EDIL3: variants seen among roughly 807,000 people sequenced by gnomAD.
EDIL3 encodes the protein EGF like and discoidin domains 3.
A neutral mutation model predicts 67.4 loss-of-function variants in EDIL3; 37 were observed. The observed-to-expected ratio is 0.55, with a 90% CI of 0.42 to 0.72. The LOEUF is 0.72. EDIL3 is among the 30% of genes least tolerant of loss of function. The pLI is 0.00. For synonymous variants in EDIL3, 195 were observed against 196.3 expected (o/e 0.99, Z 0.05); for missense variants, 527 against 586.3 (o/e 0.90, Z 1.04).
intron 8 of EDIL3, 54 bp from the exon 9 acceptor site, chr5:84,060,538 T>C (rs964228510): frequency 5.7e-6 from 9 of 1,590,844 alleles, no homozygotes; most frequent in South Asian, 4.5e-5. Context: ...ACCTGGAACT[T>C]TTCTGCATTC....
At chr5:84,208,566 C>G (rs2112386666) in intron 3 of EDIL3, among the ~76,000 whole-genome samples, 1 of 150,974 alleles carries the variant, frequency 6.6e-6, no homozygotes, top group African/African-American at 2.4e-5. Context: ...GTAGTCCCAG[C>G]TACTCGGGAG....
chr5:84,025,663 C>G (rs1418738646), intron 9 of EDIL3, among the ~76,000 whole-genome samples: 1 of 152,122 alleles, frequency 6.6e-6, no homozygotes, highest in Non-Finnish European at 1.5e-5. Context: ...TCTAGTACTA[C>G]CTCTATGCAC....
chr5:84,063,042 C>T (rs1195518621), intron 8 of EDIL3, among the ~76,000 whole-genome samples: 5 of 152,098 alleles, frequency 3.3e-5, no homozygotes, highest in South Asian at 2.1e-4. Context: ...CTGGGAGATG[C>T]AGCACTGCTT....
chr5:84,364,008 G>C (rs1249373504), intron 1 of EDIL3, among the ~76,000 whole-genome samples: 4 of 152,052 alleles, frequency 2.6e-5, no homozygotes, highest in African/African-American at 9.7e-5. Flanking sequence ...TTGTCATCAA[G>C]CGTTTTCATG....
intron 9 of EDIL3, among the ~76,000 whole-genome samples, chr5:84,002,216 T>C (rs907165492): frequency 3.3e-5 from 5 of 152,148 alleles, no homozygotes; most frequent in African/African-American, 9.7e-5. Flanking sequence ...AAAGGTATTT[T>C]ATAAAATTTA....
Position 84,322,287 on chromosome 5 carries a change from T to G in EDIL3, c.67+62021A>C, listed in dbSNP as rs184509615. Among the ~76,000 whole-genome samples, 54 of 151,846 alleles carry G rather than the reference T, an allele frequency of 3.6e-4. No individual in the cohort carries two copies. In the East Asian group the frequency reaches 7.3e-3, roughly 21 times the overall value. On this transcript the variant is annotated intron_variant, in intron 1 of 10. Coordinates refer to ENST00000296591, the MANE Select transcript of EDIL3 (RefSeq NM_005711.5). ...TATACTAGACAAAGACTAAGACAAC[T>G]GCCTCAAAGATCCTAAATGGCATCT...
intron 1 of EDIL3, among the ~76,000 whole-genome samples, chr5:84,371,616 TAAC>T (rs1382362170): frequency 6.6e-6 from 1 of 150,944 alleles, no homozygotes; most frequent in Non-Finnish European, 1.5e-5. Context: ...TGATAAAAAA[TAAC>T]AATAAATAGC....
chr5:84,340,636 CAT>C (rs1315844559), intron 1 of EDIL3, among the ~76,000 whole-genome samples: 1 of 146,596 alleles, frequency 6.8e-6, no homozygotes, highest in East Asian at 2.0e-4. Flanking sequence ...CCAAGTAATG[CAT>C]GTCTCTAGTT....
At chr5:83,949,880 G>A (rs1004867849) in intron 10 of EDIL3, among the ~76,000 whole-genome samples, 2 of 151,768 alleles carry the variant, frequency 1.3e-5, no homozygotes, top group African/African-American at 4.8e-5. Context: ...TTCCCAGGGG[G>A]CTCTGGGCCA....
chr5:84,079,624 T>C (rs1341948222), intron 6 of EDIL3, among the ~76,000 whole-genome samples: 1 of 152,046 alleles, frequency 6.6e-6, no homozygotes, highest in Admixed American at 6.6e-5. Context: ...GGGCTTTTGC[T>C]TGGGAGCTGG....
At chr5:83,984,056 T>C (rs1745018005) in intron 9 of EDIL3, among the ~76,000 whole-genome samples, 1 of 151,856 alleles carries the variant, frequency 6.6e-6, no homozygotes, top group African/African-American at 2.4e-5. Context: ...AGAGGAACAA[T>C]GGACACAGGG....
chr5:84,281,273 T>C (rs1326606379), intron 1 of EDIL3, among the ~76,000 whole-genome samples: 1 of 152,200 alleles, frequency 6.6e-6, no homozygotes, highest in East Asian at 1.9e-4. Context: ...TAGGCTACTG[T>C]CTAAATCAGT....
At chr5:84,130,764 A>G (rs1262212206) in intron 5 of EDIL3, among the ~76,000 whole-genome samples, 4 of 152,164 alleles carry the variant, frequency 2.6e-5, no homozygotes, top group South Asian at 2.1e-4. Context: ...ACCTGATCAA[A>G]TAACAGTGAC....
chr5:84,228,187 G>A (rs1348315751), intron 3 of EDIL3, among the ~76,000 whole-genome samples: 1 of 151,770 alleles, frequency 6.6e-6, no homozygotes, highest in Non-Finnish European at 1.5e-5. Flanking sequence ...TCTGGAAGAG[G>A]CCTCAAAAAA....
intron 6 of EDIL3, among the ~76,000 whole-genome samples, chr5:84,099,845 A>G (rs1747329968): frequency 6.6e-6 from 1 of 151,888 alleles, no homozygotes; most frequent in Non-Finnish European, 1.5e-5. Context: ...ACAAAGGGCT[A>G]ATATCCAGAA....
At chr5:84,261,635 T>G (rs187652527) in intron 1 of EDIL3, among the ~76,000 whole-genome samples, 115 of 152,334 alleles carry the variant, frequency 7.5e-4, no homozygotes, top group Middle Eastern at 3.4e-3. Flanking sequence ...TATATCTTCA[T>G]TGATAGAATC....
chr5:84,149,942 C>T (rs1001024552), intron 4 of EDIL3, among the ~76,000 whole-genome samples: 3 of 151,998 alleles, frequency 2.0e-5, no homozygotes, highest in Non-Finnish European at 4.4e-5. Flanking sequence ...ATCTGGGCAT[C>T]AGTGATCAGT....
rs1465231226 is a variant in EDIL3 at position 84,060,415 on chromosome 5, A to T, written c.1022T>A (p.Phe341Tyr). 6.2e-7 allele frequency: 1 copy of T among 1,613,678 alleles called. No individual in the cohort carries two copies. The highest frequency in any genetic ancestry group is 1.3e-5 in the African/African-American group (1 of 74,896). Residue 341 changes from phenylalanine (F) to tyrosine (Y), a missense_variant, in exon 9 of 11, where the codon TTC (phenylalanine) becomes TAC (tyrosine). By Grantham distance (22) the Phe-to-Tyr change is conservative. This residue lies in a region of EDIL3 where 494 missense variants were observed against 522.5 expected (regional missense o/e 0.95). Transcript: ENST00000296591. Reference protein sequence around the residue: ...QDYQITASSIFRTLNMDMFTW... With the variant: ...QDYQITASSIYRTLNMDMFTW... ...GAACATGTCCATGTTGAGCGTTCTG[A>T]AGATGCTGGAGGCAGTGATCTGATA...
intron 9 of EDIL3, among the ~76,000 whole-genome samples, chr5:84,019,001 T>C (rs906721651): frequency 6.6e-6 from 1 of 152,126 alleles, no homozygotes; most frequent in Non-Finnish European, 1.5e-5. Flanking sequence ...TCCTTAGGGA[T>C]CTAGAACTAG....
Sources: gnomAD v4.1 joint callset for allele counts (sites outside exome capture counted in the v4.1 genomes callset) on GRCh38, gnomAD v4.1.1 for gene constraint, gnomAD v4.1.1 regional missense constraint, MANE v1.5 for transcripts, NCBI Gene and HGNC (gene_info 2026-07-23, HGNC 2026-07-21) for gene names.